The following CFAP300 variants were observed in gnomAD, a reference collection of about 807,000 sequenced individuals.
CFAP300 encodes cilia and flagella associated protein 300.
In CFAP300, 32 loss-of-function variants were observed where a neutral mutation model predicts 33.0. The ratio of observed to expected loss-of-function variants is 0.97; its 90% CI spans 0.73 to 1.30. The LOEUF is 1.30. CFAP300 is among the 50% of genes most tolerant of loss of function. The pLI, the probability that CFAP300 is intolerant of heterozygous loss-of-function variation, is 0.00. For synonymous variants in CFAP300, 102 were observed against 106.8 expected (o/e 0.95, Z 0.28); for missense variants, 356 against 318.1 (o/e 1.12, Z -0.90).
intron 2 of CFAP300, among the ~76,000 whole-genome samples, chr11:102,055,648 A>G (rs1305971148): frequency 1.5e-5 from 2 of 132,892 alleles, no homozygotes; most frequent in African/African-American, 5.8e-5. Flanking sequence ...ACACCTGGCC[A>G]TATACATTAC....
At chr11:102,079,381 G>C (rs115457134) in intron 5 of CFAP300, among the ~76,000 whole-genome samples, 198 of 152,258 alleles carry the variant, frequency 1.3e-3, no homozygotes, top group African/African-American at 3.9e-3. Flanking sequence ...CTTTTAAGCA[G>C]TATGTTAAGC....
intron 2 of CFAP300, among the ~76,000 whole-genome samples, chr11:102,051,830 T>A (rs1472720275): frequency 1.3e-5 from 2 of 152,194 alleles, no homozygotes; most frequent in Non-Finnish European, 2.9e-5. Flanking sequence ...ATTACAGGTG[T>A]GAGTTATCAC....
chr11:102,051,407 C>T (rs1015879166), intron 2 of CFAP300, among the ~76,000 whole-genome samples: 2 of 152,140 alleles, frequency 1.3e-5, no homozygotes, highest in Non-Finnish European at 2.9e-5. Context: ...CTTCTGCTTA[C>T]ATCTCATGAC....
At chr11:102,061,142 G>A (rs2135027058) in intron 3 of CFAP300, among the ~76,000 whole-genome samples, 1 of 152,182 alleles carries the variant, frequency 6.6e-6, no homozygotes, top group Admixed American at 6.5e-5. Flanking sequence ...GTTCTCAAAT[G>A]TCTCATGTGC....
Position 102,081,071 on chromosome 11 carries a change from AT to A in CFAP300, c.609-138del, listed in dbSNP as rs548383198. The stretch of plus-strand genomic sequence containing the variant: ...ATTCTTGAATGAAGCCTCAGATGCC[AT>A]TTTTTCAAACCACTTAGTTGGATAG... On this transcript the variant is annotated intron_variant, in intron 5 of 6. Transcript: ENST00000434758. 1.5e-3 allele frequency: 833 copies of A among 554,488 alleles called. 1 individual carries two copies. Among genetic ancestry groups the A allele is most frequent in the Non-Finnish European group, 2.2e-3 (749 of 337,800 alleles). The allele number at this position is 554,488 out of a possible 1,614,324, so 34.3% of individuals were successfully genotyped here. A position where few individuals can be genotyped will look rare whatever the true frequency, so the allele number is the denominator to read the frequency against.
At chr11:102,051,003 G>T (rs1941961954) in intron 2 of CFAP300, among the ~76,000 whole-genome samples, 1 of 152,162 alleles carries the variant, frequency 6.6e-6, no homozygotes, top group African/African-American at 2.4e-5. Flanking sequence ...ACATGATAAT[G>T]TCAAGTACCA....
In CFAP300 at chr11:102,083,143, A is replaced by G. The variant is rs147720942; in HGVS notation, c.748A>G (p.Ile250Val). Residue 250 changes from isoleucine (I) to valine (V), a missense_variant, in exon 7 of 7, where the codon ATC (isoleucine) becomes GTC (valine). Physicochemically the swap from Ile to Val is conservative, Grantham distance 29 (BLOSUM62 3). Coordinates refer to ENST00000434758, the MANE Select transcript of CFAP300 (RefSeq NM_032930.3). ...QTFSYFIVDP[I>V]RRHLHVLYHC... ...ATTTTCTTACTTTATTGTGGATCCT[A>G]TCAGGCGTCACCTTCATGTTTTATA... 2 of 1,570,098 alleles carry G rather than the reference A, an allele frequency of 1.3e-6. No homozygotes were observed. The highest frequency in any genetic ancestry group is 8.7e-7 in the Non-Finnish European group (1 of 1,155,908).
intron 4 of CFAP300, among the ~76,000 whole-genome samples, chr11:102,069,524 C>T (rs914579494): frequency 4.6e-5 from 7 of 152,010 alleles, no homozygotes. Flanking sequence ...ACAGCCTAGC[C>T]GGGCATGGTG....
chr11:102,068,011 G>A (rs1206526591), intron 4 of CFAP300, among the ~76,000 whole-genome samples: 1 of 152,200 alleles, frequency 6.6e-6, no homozygotes. Flanking sequence ...ATAGCCATAT[G>A]TTCAAATCCA....
At chr11:102,054,337 T>C (rs571840861) in intron 2 of CFAP300, among the ~76,000 whole-genome samples, 1 of 152,344 alleles carries the variant, frequency 6.6e-6, no homozygotes, top group South Asian at 2.1e-4. Context: ...TGCCTGCCCA[T>C]GAGGGCAAGC....
intron 3 of CFAP300, among the ~76,000 whole-genome samples, chr11:102,059,828 T>C (rs1318181244): frequency 2.0e-5 from 3 of 151,430 alleles, no homozygotes; most frequent in African/African-American, 7.3e-5. Flanking sequence ...TTTTTTTTTT[T>C]GAGACAGTGT....
chr11:102,082,320 G>A (rs1020247647), intron 6 of CFAP300, among the ~76,000 whole-genome samples: 2 of 151,660 alleles, frequency 1.3e-5, no homozygotes, highest in Non-Finnish European at 1.5e-5. Flanking sequence ...AAGTTGCAGT[G>A]AGCTGTGGTG....
intron 4 of CFAP300, among the ~76,000 whole-genome samples, chr11:102,074,918 GCTGGCCTCAAGCTC>G (rs1384812731): frequency 1.3e-5 from 2 of 151,898 alleles, no homozygotes; most frequent in East Asian, 1.9e-4. Flanking sequence ...TGTTGCTCAG[GCTGGCCTCAAGCTC>G]CTGGCCTCAA....
rs746811694 is a variant in CFAP300, at chr11:102,066,572, T to C, written c.356T>C (p.Ile119Thr). 1 of 1,611,824 alleles carries C rather than the reference T, an allele frequency of 6.2e-7. No individual in the cohort carries two copies. Among genetic ancestry groups the C allele is most frequent in the Non-Finnish European group, 8.5e-7 (1 of 1,179,104 alleles). Residue 119 changes from isoleucine (I) to threonine (T), a missense_variant, in exon 4 of 7, where the codon ATT (isoleucine) becomes ACT (threonine). By Grantham distance (89) the Ile-to-Thr change is moderately conservative. Coordinates refer to ENST00000434758, the MANE Select transcript of CFAP300 (RefSeq NM_032930.3). ...TTTCATCGGTTATATGATGAAGATA[T>C]TGTACGAGACAGTGGACATATTGTT... Reference protein sequence around the residue: ...SFFHRLYDEDIVRDSGHIVKC... With the variant: ...SFFHRLYDEDTVRDSGHIVKC...
At chr11:102,060,380 G>T (rs1355382997) in intron 3 of CFAP300, among the ~76,000 whole-genome samples, 2 of 151,530 alleles carry the variant, frequency 1.3e-5, no homozygotes, top group African/African-American at 4.9e-5. Context: ...GCCTCCCAAA[G>T]TGCTGGGATT....
At position 102,055,214 on chromosome 11, in the gene CFAP300, C is replaced by T. The variant is rs552756043; in HGVS notation, c.193-3666C>T. Among the ~76,000 whole-genome samples, 319 of 152,096 alleles carry T rather than the reference C, an allele frequency of 2.1e-3. 2 individuals are homozygous for T. Among genetic ancestry groups the T allele is most frequent in the Non-Finnish European group, 3.5e-3 (238 of 67,986 alleles). ...CAGGTTAGTCTTGAACTCCTGACCT[C>T]GCGATCTGCCTGCCTTGGCCTCCCA... is the stretch of plus-strand genomic sequence containing the variant. On this transcript the variant is annotated intron_variant, in intron 2 of 6. Transcript: ENST00000434758.
At chr11:102,054,313 C>T (rs1312063316) in intron 2 of CFAP300, among the ~76,000 whole-genome samples, 1 of 152,216 alleles carries the variant, frequency 6.6e-6, no homozygotes, top group Non-Finnish European at 1.5e-5. Context: ...GTTACTATCT[C>T]CTCTCTTACT....
At chr11:102,052,146 G>A (rs1941981152) in intron 2 of CFAP300, among the ~76,000 whole-genome samples, 1 of 152,148 alleles carries the variant, frequency 6.6e-6, no homozygotes, top group African/African-American at 2.4e-5. Flanking sequence ...CCCTTATAAA[G>A]ACTCATTTCC....
intron 3 of CFAP300, among the ~76,000 whole-genome samples, chr11:102,064,621 C>T (rs1172030127): frequency 1.3e-5 from 2 of 152,180 alleles, no homozygotes; most frequent in African/African-American, 4.8e-5. Flanking sequence ...GCATTACTTA[C>T]TCTTCTTAAG....
Sources: allele counts gnomAD v4.1 joint callset (sites outside exome capture counted in the v4.1 genomes callset), GRCh38; gene constraint gnomAD v4.1.1; transcripts MANE v1.5; gene names NCBI Gene and HGNC (gene_info 2026-07-23, HGNC 2026-07-21).